NHSL2: variants seen among roughly 807,000 people sequenced by gnomAD.
NHSL2 encodes the protein NHS-like protein 2.
In NHSL2, 27 loss-of-function variants were observed where a neutral mutation model predicts 53.4. The observed-to-expected ratio is 0.51, with a 90% CI of 0.37 to 0.70. The LOEUF is 0.70. NHSL2 is among the 30% of genes least tolerant of loss of function. The pLI is 0.00. For synonymous variants in NHSL2, 408 were observed against 404.1 expected (o/e 1.01, Z -0.12); for missense variants, 892 against 980.1 (o/e 0.91, Z 1.20).
intron 1 of NHSL2, among the ~76,000 whole-genome samples, chrX:72,006,513 C>T (rs1242544610): frequency 8.9e-6 from 1 of 112,337 alleles, no homozygotes; most frequent in Non-Finnish European, 1.9e-5. Context: ...TGCAAGTCTC[C>T]TGCATTTCCC....
chrX:71,940,237 A>G (rs2041759350), intron 1 of NHSL2, among the ~76,000 whole-genome samples: 1 of 112,200 alleles, frequency 8.9e-6, no homozygotes, highest in African/African-American at 3.2e-5. Context: ...TGCTTTGGAG[A>G]GGTCAGTATA....
At chrX:71,913,918 A>G (rs1178701329) in intron 1 of NHSL2, among the ~76,000 whole-genome samples, 12 of 112,764 alleles carry the variant, frequency 1.1e-4, no homozygotes, top group Non-Finnish European at 1.7e-4. Context: ...AATCACAATC[A>G]TGGGTCATGC....
intron 1 of NHSL2, among the ~76,000 whole-genome samples, chrX:72,065,036 A>G (rs1243076740): frequency 9.0e-6 from 1 of 111,530 alleles, no homozygotes; most frequent in Non-Finnish European, 1.9e-5. Context: ...ACCCATCAGA[A>G]CAGCGCCTCC....
At chrX:72,109,667 C>T (rs1365651493) in intron 1 of NHSL2, among the ~76,000 whole-genome samples, 1 of 111,197 alleles carries the variant, frequency 9.0e-6, no homozygotes, top group African/African-American at 3.3e-5. Flanking sequence ...CGGGGTTTCA[C>T]TATGTTGGCC....
chrX:72,131,303 G>T, intron 1 of NHSL2: 6 of 1,199,889 alleles, frequency 5.0e-6, no homozygotes, highest in Non-Finnish European at 6.7e-6. Flanking sequence ...TCTCCCCCGG[G>T]AATGACTTCG....
At chrX:71,993,851 C>A (rs2042038128) in intron 1 of NHSL2, among the ~76,000 whole-genome samples, 2 of 109,548 alleles carry the variant, frequency 1.8e-5, no homozygotes, top group Non-Finnish European at 3.8e-5. Flanking sequence ...TTTGAAAACA[C>A]TATGCAGGCC....
intron 1 of NHSL2, among the ~76,000 whole-genome samples, chrX:71,944,881 A>G (rs1452930559): frequency 1.8e-5 from 2 of 112,415 alleles, no homozygotes; most frequent in Non-Finnish European, 3.7e-5. Flanking sequence ...TGTGAGTTTT[A>G]GTATATTAGG....
chrX:72,107,371 T>C (rs2042052925), intron 1 of NHSL2, among the ~76,000 whole-genome samples: 1 of 112,680 alleles, frequency 8.9e-6, no homozygotes, highest in Non-Finnish European at 1.9e-5. Flanking sequence ...TCCCAATGGA[T>C]GAATCAGCTA....
Position 72,104,586 on chromosome X carries a change from T to C in NHSL2, c.281-27493T>C, listed in dbSNP as rs149108726. On this transcript the variant is annotated intron_variant, in intron 1 of 7. Transcript: ENST00000633930. ...TGCTAAAGGTTTCTGAGCAGGAGGT[T>C]GCCCAAGGTGACGCTGAGGTCTCCA... Among the ~76,000 whole-genome samples the C allele has an allele frequency of 5.0e-3, 562 of 112,150 alleles. 7 individuals are homozygous for C. The highest frequency in any genetic ancestry group is 0.018 in the African/African-American group (543 of 30,826).
chrX:72,058,881 G>T (rs1183975609), intron 1 of NHSL2, among the ~76,000 whole-genome samples: 3 of 112,131 alleles, frequency 2.7e-5, no homozygotes, highest in Non-Finnish European at 5.6e-5. Flanking sequence ...GCACAGGAAG[G>T]CTGCCATTGC....
chrX:72,001,296 C>A (rs2042071793), intron 1 of NHSL2, among the ~76,000 whole-genome samples: 1 of 112,138 alleles, frequency 8.9e-6, no homozygotes, highest in Admixed American at 9.4e-5. Flanking sequence ...TCCTTTCCAA[C>A]ATGGCTGGTT....
chrX:72,052,855 T>G (rs922514587), intron 1 of NHSL2, among the ~76,000 whole-genome samples: 11 of 111,535 alleles, frequency 9.9e-5, no homozygotes, highest in Admixed American at 2.8e-4. Context: ...CTGTAGACAT[T>G]CTCTGGCCAA....
chrX:72,138,765 G>A lies in NHSL2; in HGVS notation c.1217G>A (p.Ser406Asn). The change falls in exon 6 of 8, where the codon AGC becomes AAC. Residue 406 changes from serine (S) to asparagine (N), a missense_variant. By Grantham distance (46) the Ser-to-Asn change is conservative. Transcript: ENST00000633930. ...ACCTACATGACTCCAAGTGCCACCA[G>A]CCAGAGCAATCAAGTCAATGAAAAT... The part of the protein sequence containing the change: ...AFTYMTPSAT[S>N]QSNQVNENGK... The A allele has an allele frequency of 8.3e-7, 1 of 1,210,072 alleles. No individual in the cohort carries two copies. The highest frequency in any genetic ancestry group is 1.8e-5 in the South Asian group (1 of 56,781).
Position 71,911,007 on chromosome X carries a change from G to A in NHSL2, c.-81G>A, listed in dbSNP as rs1042683339. 5 of 805,172 alleles carry A rather than the reference G, an allele frequency of 6.2e-6. No homozygotes were observed. In the Admixed American group the frequency reaches 2.4e-4, roughly 39 times the overall value. The allele number at this position is 805,172 out of a possible 1,213,427, so 66.4% of individuals were successfully genotyped here. On this transcript the variant is annotated 5_prime_UTR_variant, in exon 1 of 8. Transcript: ENST00000633930. ...CCCGGAGCTGGGGCCGCCGCTCAGG[G>A]GCGCTCGGGCCAGGGGCGCTGCTCG...
Position 72,132,238 on chromosome X carries a change from C to T in NHSL2, c.436+4C>T. ...AATCTCCAGAGCCTGTTGCAAGGTA[C>T]CGAGAGGGAGGGGGGCTGCGGCCGG... On this transcript the variant is annotated splice_donor_region_variant and intron_variant, in intron 2 of 7. Coordinates refer to ENST00000633930, the MANE Select transcript of NHSL2 (RefSeq NM_001013627.3). 8.7e-7 allele frequency: 1 copy of T among 1,146,925 alleles called. No individual in the cohort carries two copies. The highest frequency in any genetic ancestry group is 1.2e-6 in the Non-Finnish European group (1 of 861,461). 94.5% of individuals were successfully genotyped at this position (1,146,925 alleles called of 1,213,427 possible). A position where few individuals can be genotyped will look rare whatever the true frequency, so the allele number is the denominator to read the frequency against.
chrX:72,043,244 C>T (rs994160200), intron 1 of NHSL2, among the ~76,000 whole-genome samples: 2 of 111,763 alleles, frequency 1.8e-5, no homozygotes, highest in African/African-American at 6.5e-5. Flanking sequence ...ATAACCCATG[C>T]ACACACATAA....
In NHSL2 at chrX:72,139,478, A is replaced by G; in HGVS notation, c.1930A>G (p.Lys644Glu). The change falls in exon 6 of 8, where the codon AAG becomes GAG. Residue 644 changes from lysine (K) to glutamate (E), a missense_variant. Coordinates refer to ENST00000633930, the MANE Select transcript of NHSL2 (RefSeq NM_001013627.3). ...FSHHWYLTDW[K>E]SGDTYQSLSS... ...CCACCACTGGTATCTTACTGACTGG[A>G]AGTCTGGTGACACCTACCAATCCCT... 8.3e-7 allele frequency: 1 copy of G among 1,210,083 alleles called. No individual in the cohort carries two copies. Among genetic ancestry groups the G allele is most frequent in the Non-Finnish European group, 1.1e-6 (1 of 894,101 alleles).
rs777356570 is a variant in NHSL2 at position 71,923,403 on chromosome X, C to A, written c.280+12036C>A. On this transcript the variant is annotated intron_variant, in intron 1 of 7. Transcript: ENST00000633930. ...GCATAGTAACTAGATAAAGGTACTT[C>A]TTCCTCCATGTGCAGTCAGACAAGG... is the stretch of plus-strand genomic sequence containing the variant. Among the ~76,000 whole-genome samples, 3 of 112,262 alleles carry A rather than the reference C, an allele frequency of 2.7e-5. No homozygotes were observed. In the East Asian group the frequency reaches 8.4e-4, roughly 31 times the overall value.
intron 2 of NHSL2, among the ~76,000 whole-genome samples, chrX:72,133,212 A>C (rs1569483318): frequency 8.9e-6 from 1 of 112,411 alleles, no homozygotes; most frequent in African/African-American, 3.2e-5. Context: ...TCCGTGGAAG[A>C]AATGAGCTGC....
Sources: gnomAD v4.1 joint callset for allele counts (sites outside exome capture counted in the v4.1 genomes callset) on GRCh38, gnomAD v4.1.1 for gene constraint, MANE v1.5 for transcripts, NCBI Gene and HGNC (gene_info 2026-07-23, HGNC 2026-07-21) for gene names.